The following ATP13A4 variants were observed in gnomAD, a reference collection of about 807,000 sequenced individuals.
The protein encoded by ATP13A4 is ATPase 13A4, also known as probable cation-transporting ATPase 13A4.
A neutral mutation model predicts 142.5 loss-of-function variants in ATP13A4; 114 were observed. That is an observed-to-expected ratio of 0.80 (90% confidence interval 0.69 to 0.93). ATP13A4 has a LOEUF of 0.93. Ranked by LOEUF, ATP13A4 falls within the 40% of genes least tolerant of loss-of-function variation. ATP13A4 has a pLI of 0.00. For missense variants in ATP13A4, 1,392 were observed against 1,454.0 expected (o/e 0.96, Z 0.69); for synonymous variants, 488 against 514.8 (o/e 0.95, Z 0.70).
chr3:193,585,036 C>G (rs996867301), intron 1 of ATP13A4, among the ~76,000 whole-genome samples: 1 of 152,212 alleles, frequency 6.6e-6, no homozygotes, highest in East Asian at 1.9e-4. Context: ...GCTTGTCCAT[C>G]CTGCAGCCTG....
chr3:193,564,463 A>C (rs923433760), intron 2 of ATP13A4, among the ~76,000 whole-genome samples: 2 of 152,224 alleles, frequency 1.3e-5, no homozygotes, highest in Non-Finnish European at 2.9e-5. Context: ...TTTATCATGT[A>C]AGGTGGGATT....
At chr3:193,540,298 C>T (rs1410341287) in intron 1 of ATP13A4, among the ~76,000 whole-genome samples, 1 of 151,926 alleles carries the variant, frequency 6.6e-6, no homozygotes, top group Non-Finnish European at 1.5e-5. Flanking sequence ...AGAGAGGCTT[C>T]ATGACTTGTC....
chr3:193,481,931 T>G (rs1196606135), intron 8 of ATP13A4, among the ~76,000 whole-genome samples: 1 of 152,192 alleles, frequency 6.6e-6, no homozygotes, highest in East Asian at 1.9e-4. Context: ...CCCCAGCATT[T>G]TTTAAAGAAA....
chr3:193,466,106 A>C lies in ATP13A4; in HGVS notation c.1191T>G (p.Asp397Glu). 1 of 1,614,126 alleles carries C rather than the reference A, an allele frequency of 6.2e-7. No homozygotes were observed. Among genetic ancestry groups the C allele is most frequent in the Non-Finnish European group, 8.5e-7 (1 of 1,179,968 alleles). Residue 397 changes from aspartate to glutamate, a missense_variant, in exon 11 of 30, where the codon GAT becomes GAG. By Grantham distance (45) the Asp-to-Glu change is conservative (BLOSUM62 2). Transcript: ENST00000342695. ...PKPVNFQLYRDAIRFLLCLVG... is the reference protein window; with the variant it reads ...PKPVNFQLYREAIRFLLCLVG... Reference sequence around the variant, plus strand: ...CAAGGCACAGGAGGAACCTGATGGCATCCCTGTACAACTGAAAATTCACTG... The same window carrying C: ...CAAGGCACAGGAGGAACCTGATGGCCTCCCTGTACAACTGAAAATTCACTG...
chr3:193,399,497 G>T lies in ATP13A4; in HGVS notation c.*3155C>A, dbSNP rs1228879827. 6.6e-6 allele frequency among the ~76,000 whole-genome samples: 1 copy of T among 152,138 alleles called. No individual in the cohort carries two copies. The highest frequency in any genetic ancestry group is 1.5e-5 in the Non-Finnish European group (1 of 68,030). On this transcript the variant is annotated 3_prime_UTR_variant, in exon 30 of 30. Transcript: ENST00000342695. ...ACAATCGGATCTGACAAGGCTGGGA[G>T]CCCTCCCTCCAGAGCCCATCCTCCC...
intron 7 of ATP13A4, among the ~76,000 whole-genome samples, chr3:193,487,226 T>C (rs1719682231): frequency 6.6e-6 from 1 of 152,038 alleles, no homozygotes; most frequent in Admixed American, 6.5e-5. Context: ...GGTTTAGCGA[T>C]ATCGGTACTG....
intron 28 of ATP13A4, among the ~76,000 whole-genome samples, chr3:193,408,483 A>T (rs1308710484): frequency 3.9e-5 from 6 of 152,238 alleles, no homozygotes; most frequent in Admixed American, 3.9e-4. Context: ...TAATGCTGTT[A>T]TATGAAAGAA....
intron 25 of ATP13A4, among the ~76,000 whole-genome samples, chr3:193,422,219 G>A (rs1464550181): frequency 2.0e-5 from 3 of 149,758 alleles, no homozygotes; most frequent in Admixed American, 6.9e-5. Flanking sequence ...ATTGAAGCAC[G>A]TAAATATATA....
At chr3:193,573,311 A>ATATATATATATGTG (rs1560287398) in intron 2 of ATP13A4, among the ~76,000 whole-genome samples, 3 of 137,544 alleles carry the variant, frequency 2.2e-5, no homozygotes, top group Non-Finnish European at 4.6e-5. Context: ...ATATATACAT[A>ATATATATATATGTG]TATATATATA....
chr3:193,556,298 T>G (rs1252247704), upstream of ATP13A4, among the ~76,000 whole-genome samples: 1 of 152,190 alleles, frequency 6.6e-6, no homozygotes, highest in Non-Finnish European at 1.5e-5. Context: ...TCCCTCAAGC[T>G]ACATTGGCAA....
chr3:193,548,388 C>T, intron 1 of ATP13A4, among the ~76,000 whole-genome samples: 1 of 152,116 alleles, frequency 6.6e-6, no homozygotes, highest in Non-Finnish European at 1.5e-5. Context: ...AGCAGGGTCC[C>T]TGTCTTCAAG....
rs71637107 is a variant in ATP13A4 at position 193,441,017 on chromosome 3, C to CTATA, written c.2440-384_2440-381dup. ...TATCGATCTATCTCTCTCTCTCTCT[C>CTATA]TATATATATATATCTAAAACTTACC... On this transcript the variant is annotated intron_variant, in intron 20 of 29. Transcript: ENST00000342695. Among the ~76,000 whole-genome samples, 563 of 150,308 alleles carry CTATA rather than the reference C, an allele frequency of 3.7e-3. 5 individuals carry two copies. The highest frequency in any genetic ancestry group is 0.011 in the East Asian group (55 of 5,040).
chr3:193,483,822 C>A, intron 8 of ATP13A4, 114 bp downstream of exon 8: 2 of 983,676 alleles, frequency 2.0e-6, no homozygotes, highest in Non-Finnish European at 3.2e-6. Context: ...TGAACAAATG[C>A]CTAAGGAGAA....
At chr3:193,474,537 CAG>C (rs554455863) in intron 8 of ATP13A4, among the ~76,000 whole-genome samples, 62 of 121,984 alleles carry the variant, frequency 5.1e-4, no homozygotes, top group Admixed American at 9.7e-4. Flanking sequence ...CCTGTCAAGA[CAG>C]AGAGAGAGAG....
chr3:193,401,075 T>C lies in ATP13A4; in HGVS notation c.*1577A>G, dbSNP rs944137376. 6.6e-6 allele frequency among the ~76,000 whole-genome samples: 1 copy of C among 152,174 alleles called. No individual in the cohort carries two copies. The highest frequency in any genetic ancestry group is 2.4e-5 in the African/African-American group (1 of 41,442). On this transcript the variant is annotated 3_prime_UTR_variant, in exon 30 of 30. Transcript: ENST00000342695. Reference sequence around the variant, plus strand: ...ATGTTCCTAGAATCAGCTGCAATCATAGAGCCATCAGCCATGCTCAAGAGC... The same window carrying C: ...ATGTTCCTAGAATCAGCTGCAATCACAGAGCCATCAGCCATGCTCAAGAGC...
At chr3:193,514,444 G>A (rs894935942) in intron 2 of ATP13A4, among the ~76,000 whole-genome samples, 3 of 150,460 alleles carry the variant, frequency 2.0e-5, no homozygotes, top group South Asian at 2.2e-4. Context: ...AGTATTCCGT[G>A]GTGTACATGT....
intron 9 of ATP13A4, among the ~76,000 whole-genome samples, chr3:193,468,405 T>C (rs1718427967): frequency 6.6e-6 from 1 of 152,110 alleles, no homozygotes; most frequent in Admixed American, 6.6e-5. Flanking sequence ...GGATGAGGTC[T>C]GAACTATAAC....
chr3:193,498,897 G>C (rs538727885), intron 3 of ATP13A4, among the ~76,000 whole-genome samples: 33 of 152,248 alleles, frequency 2.2e-4, no homozygotes, highest in African/African-American at 7.7e-4. Flanking sequence ...TTTAAAACTG[G>C]AAAGACCATA....
chr3:193,566,520 G>C (rs1358154014), intron 2 of ATP13A4, among the ~76,000 whole-genome samples: 3 of 152,108 alleles, frequency 2.0e-5, no homozygotes, highest in Non-Finnish European at 4.4e-5. Flanking sequence ...AACATGTTAG[G>C]CATCACAAGA....
Sources: allele counts gnomAD v4.1 joint callset (sites outside exome capture counted in the v4.1 genomes callset), GRCh38; gene constraint gnomAD v4.1.1; transcripts MANE v1.5; gene names NCBI Gene and HGNC (gene_info 2026-07-23, HGNC 2026-07-21).